ANKRD17: variants seen among roughly 807,000 people sequenced by gnomAD.
ANKRD17 encodes ankyrin repeat domain-containing protein 17.
In ANKRD17, 19 loss-of-function variants were observed where a neutral mutation model predicts 229.7. That is an observed-to-expected ratio of 0.08 (90% CI 0.06 to 0.12). The LOEUF is 0.12. Ranked by LOEUF, ANKRD17 falls within the 10% of genes least tolerant of loss-of-function variation. The pLI is 1.00. For missense variants in ANKRD17, 2,176 were observed against 3,176.8 expected, an observed-to-expected ratio of 0.68 and a Z score of 7.57; for synonymous variants, 1,112 against 1,146.1, an observed-to-expected ratio of 0.97 and a Z score of 0.60.
intron 1 of ANKRD17, among the ~76,000 whole-genome samples, chr4:73,240,151 G>T (rs1743883828): frequency 6.6e-6 from 1 of 152,022 alleles, no homozygotes; most frequent in Non-Finnish European, 1.5e-5. Context: ...CAAGTTCAAA[G>T]ACAACCTAAG....
intron 1 of ANKRD17, among the ~76,000 whole-genome samples, chr4:73,227,411 C>T (rs547130910): frequency 2.0e-5 from 3 of 152,218 alleles, no homozygotes; most frequent in South Asian, 4.1e-4. Context: ...CCTTGGCCTC[C>T]CAAAGTGCTG....
chr4:73,173,813 C>G (rs1419846137), intron 2 of ANKRD17, among the ~76,000 whole-genome samples: 1 of 152,086 alleles, frequency 6.6e-6, no homozygotes, highest in Non-Finnish European at 1.5e-5. Context: ...CACCCAGTCT[C>G]CAGCTCGAGC....
chr4:73,122,938 A>G (rs192763752), intron 18 of ANKRD17, among the ~76,000 whole-genome samples: 2 of 152,150 alleles, frequency 1.3e-5, no homozygotes, highest in African/African-American at 4.8e-5. Context: ...ATACAACAAA[A>G]ATGTATGATT....
intron 2 of ANKRD17, among the ~76,000 whole-genome samples, chr4:73,171,180 A>AGAGAGG (rs1553928551): frequency 1.1e-4 from 5 of 44,478 alleles, no homozygotes; most frequent in African/African-American, 3.6e-4. Flanking sequence ...CAGAGGGGGG[A>AGAGAGG]GAGAGAGAGA....
intron 1 of ANKRD17, among the ~76,000 whole-genome samples, chr4:73,233,333 T>C (rs918518728): frequency 2.0e-5 from 3 of 152,184 alleles, no homozygotes; most frequent in Non-Finnish European, 2.9e-5. Flanking sequence ...ATTTTTATAT[T>C]ATAAAGGTTT....
chr4:73,120,058 A>G, intron 21 of ANKRD17, 104 bp downstream of exon 21: 1 of 1,267,580 alleles, frequency 7.9e-7, no homozygotes, highest in Non-Finnish European at 1.1e-6. Context: ...TTATAAAAGA[A>G]GAAATAATCA....
intron 1 of ANKRD17, among the ~76,000 whole-genome samples, chr4:73,179,486 G>GTGTGTA (rs1735189217): frequency 3.3e-5 from 2 of 60,004 alleles, no homozygotes; most frequent in African/African-American, 1.2e-4. Context: ...GTGTGTGTGT[G>GTGTGTA]TGTATATATA....
intron 26 of ANKRD17, 51 bp from the exon 27 acceptor site, chr4:73,097,323 T>G: frequency 6.9e-7 from 1 of 1,458,038 alleles, no homozygotes; most frequent in South Asian, 1.5e-5. Context: ...ATGTAGAATT[T>G]TTAAATGATA....
At chr4:73,170,541 G>T (rs554107279) in intron 2 of ANKRD17, among the ~76,000 whole-genome samples, 3 of 151,616 alleles carry the variant, frequency 2.0e-5, no homozygotes, top group Non-Finnish European at 4.4e-5. Flanking sequence ...GGGTCGGGGG[G>T]CGGGGGGCTG....
Position 73,091,390 on chromosome 4 carries a change from C to G in ANKRD17, c.6238G>C (p.Gly2080Arg). ...GTTGTTTCTACTACTGGTGGACTAC[C>G]TGCTTCCTGTTCGGAGGAAGATGCC... ...KVASSSEQEA[G>R]SPPVVETTNT... The change falls in exon 29 of 34, where the codon GGT becomes CGT. Residue 2080 changes from glycine to arginine, a missense_variant. This residue lies in a region of ANKRD17 where 424 missense variants were observed against 454.0 expected (regional missense o/e 0.93). Transcript: ENST00000358602. 2 of 1,614,128 alleles carry G rather than the reference C, an allele frequency of 1.2e-6. No homozygotes were observed. The highest frequency in any genetic ancestry group is 1.7e-6 in the Non-Finnish European group (2 of 1,180,034).
At chr4:73,228,555 G>A (rs1016180070) in intron 1 of ANKRD17, among the ~76,000 whole-genome samples, 2 of 152,090 alleles carry the variant, frequency 1.3e-5, no homozygotes, top group Non-Finnish European at 2.9e-5. Context: ...TATCCTTCCA[G>A]AAATAACCTA....
intron 25 of ANKRD17, chr4:73,099,208 C>G (rs1284043770): frequency 3.2e-6 from 2 of 621,356 alleles, no homozygotes; most frequent in Non-Finnish European, 6.1e-6. Flanking sequence ...ACAGCTTTTG[C>G]TCCGCTCCCA....
intron 1 of ANKRD17, among the ~76,000 whole-genome samples, chr4:73,225,514 T>C (rs1742370831): frequency 6.6e-6 from 1 of 152,166 alleles, no homozygotes; most frequent in African/African-American, 2.4e-5. Flanking sequence ...ATTTATTATC[T>C]GTCTCCCTTA....
chr4:73,228,420 TTTC>T (rs1313486954), intron 1 of ANKRD17, among the ~76,000 whole-genome samples: 3 of 152,262 alleles, frequency 2.0e-5, no homozygotes, highest in South Asian at 2.1e-4. Context: ...TATAGTTTAT[TTTC>T]TTCTTTATTA....
rs74266869 is a variant in ANKRD17 at position 73,168,161 on chromosome 4, TA to T, written c.548-6814del. Among the ~76,000 whole-genome samples the T allele has an allele frequency of 7.2e-3, 1,053 of 147,168 alleles. 10 individuals are homozygous for T. Among genetic ancestry groups the T allele is most frequent in the Non-Finnish European group, 0.012 (785 of 66,378 alleles). On this transcript the variant is annotated intron_variant, in intron 2 of 33. Transcript: ENST00000358602. Reference sequence around the variant, plus strand: ...GTGAGACTCCGTCTCAAAAAAAAATTAAAAAAAAAAAATTTACTGTATTACA... The same window carrying T: ...GTGAGACTCCGTCTCAAAAAAAAATTAAAAAAAAAAATTTACTGTATTACA...
chr4:73,078,589 T>C, intron 31 of ANKRD17, 53 bp downstream of exon 31: 1 of 1,562,162 alleles, frequency 6.4e-7, no homozygotes, highest in Non-Finnish European at 8.7e-7. Context: ...ACTGTTTACA[T>C]TATAGTTAAA....
At chr4:73,138,312 T>A (rs2148802844) in intron 15 of ANKRD17, among the ~76,000 whole-genome samples, 1 of 152,260 alleles carries the variant, frequency 6.6e-6, no homozygotes, top group Non-Finnish European at 1.5e-5. Flanking sequence ...CCAATGTGGT[T>A]ATTTAACCCT....
intron 2 of ANKRD17, among the ~76,000 whole-genome samples, chr4:73,166,819 T>C (rs1733295481): frequency 6.6e-6 from 1 of 151,964 alleles, no homozygotes; most frequent in Non-Finnish European, 1.5e-5. Context: ...TAATTTTTAA[T>C]TTCATGGGTA....
intron 14 of ANKRD17, among the ~76,000 whole-genome samples, 153 bp from the exon 15 acceptor site, chr4:73,140,436 C>T (rs1179484593): frequency 2.0e-5 from 3 of 152,158 alleles, no homozygotes; most frequent in South Asian, 2.1e-4. Flanking sequence ...AACAAATCCA[C>T]CTTCTTTTTC....
Sources: gnomAD v4.1 joint callset for allele counts (sites outside exome capture counted in the v4.1 genomes callset) on GRCh38, gnomAD v4.1.1 for gene constraint, gnomAD v4.1.1 regional missense constraint, MANE v1.5 for transcripts, NCBI Gene and HGNC (gene_info 2026-07-23, HGNC 2026-07-21) for gene names.